The following CTNNA2 variants were observed in gnomAD, a reference collection of about 807,000 sequenced individuals.
CTNNA2 encodes the protein catenin alpha 2, also known as catenin alpha-2.
Under a neutral mutation model 101.0 loss-of-function variants are expected in CTNNA2, and 42 were observed. The observed-to-expected ratio is 0.42, with a 90% CI of 0.32 to 0.54. The LOEUF (loss-of-function observed/expected upper bound fraction) is 0.54. CTNNA2 is among the 20% of genes least tolerant of loss of function. The pLI is 0.14. For synonymous variants in CTNNA2, 450 were observed against 456.4 expected, an observed-to-expected ratio of 0.99 and a Z score of 0.18; for missense variants, 871 against 1,223.1, an observed-to-expected ratio of 0.71 and a Z score of 4.29.
At chr2:80,145,007 T>A (rs186402746) in intron 7 of CTNNA2, among the ~76,000 whole-genome samples, 1 of 152,222 alleles carries the variant, frequency 6.6e-6, no homozygotes, top group Non-Finnish European at 1.5e-5. Flanking sequence ...TTGCCAGATA[T>A]CCTCTGGAAG....
chr2:80,094,487 G>A (rs1262119075), intron 7 of CTNNA2, among the ~76,000 whole-genome samples: 12 of 152,196 alleles, frequency 7.9e-5, no homozygotes, highest in East Asian at 3.9e-4. Context: ...TTGGCAATGC[G>A]GGCTCTTTTT....
intron 9 of CTNNA2, among the ~76,000 whole-genome samples, chr2:80,485,988 G>C (rs1280064812): frequency 2.0e-5 from 3 of 151,878 alleles, no homozygotes; most frequent in Admixed American, 6.6e-5. Context: ...CATTATTCAT[G>C]TTGAATTTGG....
At chr2:79,753,600 A>T (rs1336826066) in intron 3 of CTNNA2, among the ~76,000 whole-genome samples, 1 of 152,156 alleles carries the variant, frequency 6.6e-6, no homozygotes, top group Non-Finnish European at 1.5e-5. Flanking sequence ...AACAGCTAAG[A>T]TATGACCATG....
intron 12 of CTNNA2, among the ~76,000 whole-genome samples, chr2:80,573,766 A>AT (rs944931756): frequency 3.3e-4 from 51 of 152,328 alleles, no homozygotes; most frequent in African/African-American, 1.2e-3. Flanking sequence ...ATTTTATTAC[A>AT]TTTTATAGAC....
intron 7 of CTNNA2, among the ~76,000 whole-genome samples, chr2:80,098,993 G>A (rs548145112): frequency 3.3e-5 from 5 of 151,962 alleles, no homozygotes; most frequent in African/African-American, 4.8e-5. Flanking sequence ...GCTCACGCAC[G>A]GTGCATTGCA....
intron 3 of CTNNA2, among the ~76,000 whole-genome samples, chr2:79,755,348 A>G (rs546302667): frequency 2.8e-4 from 42 of 152,264 alleles, no homozygotes; most frequent in Admixed American, 8.5e-4. Flanking sequence ...GAGTAATGTA[A>G]TAAAGTGCAT....
At chr2:79,431,668 C>T (rs1439914982) in intron 4 of CTNNA2, among the ~76,000 whole-genome samples, 1 of 152,142 alleles carries the variant, frequency 6.6e-6, no homozygotes, top group Non-Finnish European at 1.5e-5. Flanking sequence ...AGCAGAAATG[C>T]AATCTGCAAT....
intron 17 of CTNNA2, among the ~76,000 whole-genome samples, chr2:80,610,343 C>G (rs1345381354): frequency 6.6e-6 from 1 of 151,626 alleles, no homozygotes; most frequent in African/African-American, 2.4e-5. Context: ...TTTCAAAGTT[C>G]TGAAAGAGTC....
chr2:80,085,763 T>G (rs1573031690), intron 7 of CTNNA2, among the ~76,000 whole-genome samples: 1 of 152,182 alleles, frequency 6.6e-6, no homozygotes, highest in East Asian at 1.9e-4. Flanking sequence ...TAATGACCAC[T>G]TTTAAGGTTC....
At chr2:79,608,617 A>G (rs1225078437) in intron 1 of CTNNA2, among the ~76,000 whole-genome samples, 8 of 142,938 alleles carry the variant, frequency 5.6e-5, no homozygotes, top group Admixed American at 5.4e-4. Context: ...TTGGAAACCA[A>G]TTAGTGTAAT....
chr2:80,019,690 A>T (rs1694417390), intron 7 of CTNNA2, among the ~76,000 whole-genome samples: 1 of 152,208 alleles, frequency 6.6e-6, no homozygotes, highest in Non-Finnish European at 1.5e-5. Flanking sequence ...ACAGTTGGAC[A>T]TCTCTTGCCC....
At chr2:79,528,447 T>G (rs1573253147) in intron 1 of CTNNA2, among the ~76,000 whole-genome samples, 2 of 152,046 alleles carry the variant, frequency 1.3e-5, no homozygotes, top group African/African-American at 4.8e-5. Context: ...GTTTTCGTTT[T>G]GAGATGATGC....
At chr2:80,519,147 G>A (rs1689330480) in intron 9 of CTNNA2, among the ~76,000 whole-genome samples, 1 of 152,072 alleles carries the variant, frequency 6.6e-6, no homozygotes, top group African/African-American at 2.4e-5. Context: ...GTGTGTGTAT[G>A]TATGTGTGAT....
intron 1 of CTNNA2, among the ~76,000 whole-genome samples, chr2:79,600,665 A>G (rs187574130): frequency 1.3e-5 from 2 of 152,368 alleles, no homozygotes; most frequent in Non-Finnish European, 2.9e-5. Flanking sequence ...TAAAATATAT[A>G]TGTATGTGTC....
intron 3 of CTNNA2, among the ~76,000 whole-genome samples, chr2:79,808,165 A>G (rs566605534): frequency 1.3e-5 from 2 of 152,180 alleles, no homozygotes; most frequent in Non-Finnish European, 2.9e-5. Context: ...TTCTTGCCCT[A>G]GCTTACAATG....
At chr2:79,419,563 G>A (rs1678517819) in intron 4 of CTNNA2, among the ~76,000 whole-genome samples, 1 of 151,998 alleles carries the variant, frequency 6.6e-6, no homozygotes, top group African/African-American at 2.4e-5. Context: ...GCTCAAAATA[G>A]TGTATTTAAA....
At chr2:79,248,464 T>C (rs953794530) in intron 2 of CTNNA2, among the ~76,000 whole-genome samples, 1 of 152,162 alleles carries the variant, frequency 6.6e-6, no homozygotes, top group Admixed American at 6.6e-5. Flanking sequence ...ATTTGGTATG[T>C]CTTTTTATTT....
At chr2:79,268,415 C>T (rs1473045366) in intron 2 of CTNNA2, among the ~76,000 whole-genome samples, 1 of 152,094 alleles carries the variant, frequency 6.6e-6, no homozygotes, top group Non-Finnish European at 1.5e-5. Context: ...TACCTCACCC[C>T]ATGCACCTCT....
At position 80,243,922 on chromosome 2, in the gene CTNNA2, A is replaced by T. The variant is rs377523537; in HGVS notation, c.1057-149289A>T. Among the ~76,000 whole-genome samples, 6 of 152,296 alleles carry T rather than the reference A, an allele frequency of 3.9e-5. No homozygotes were observed. The East Asian group carries it at 9.7e-4, about 25-fold the overall frequency. ...TGACTGAGAGTCCCAATTCCTCCAC[A>T]TCCTGGCTGGCTTTTGCTGCAGTTT... is the stretch of plus-strand genomic sequence containing the variant. On this transcript the variant is annotated intron_variant, in intron 7 of 18. Transcript: ENST00000402739.
Sources: allele counts gnomAD v4.1 joint callset (sites outside exome capture counted in the v4.1 genomes callset), GRCh38; gene constraint gnomAD v4.1.1; transcripts MANE v1.5; gene names NCBI Gene and HGNC (gene_info 2026-07-23, HGNC 2026-07-21).